IGF1R: variants seen among roughly 807,000 people sequenced by gnomAD.
IGF1R encodes insulin-like growth factor 1 receptor.
IGF1R carries 44 observed loss-of-function variants against 144.6 expected under a neutral mutation model. That is an observed-to-expected ratio of 0.30 (90% CI 0.24 to 0.39). The LOEUF (loss-of-function observed/expected upper bound fraction) is 0.39. IGF1R is among the 10% of genes least tolerant of loss of function. The probability of loss-of-function intolerance (pLI) is 1.00; values close to 1 mark genes in which losing one functional copy is unlikely to be tolerated. For synonymous variants in IGF1R, 795 were observed against 722.8 expected, an observed-to-expected ratio of 1.10 and a Z score of -1.60; for missense variants, 1,355 against 1,833.7, an observed-to-expected ratio of 0.74 and a Z score of 4.77.
chr15:98,688,057 C>T (rs527386883), intron 1 of IGF1R, among the ~76,000 whole-genome samples: 8 of 152,170 alleles, frequency 5.3e-5, no homozygotes, highest in East Asian at 3.9e-4. Flanking sequence ...GGCTGATGGG[C>T]GGGGAGTTTG....
At chr15:98,933,317 C>T (rs181637467) in intron 15 of IGF1R, among the ~76,000 whole-genome samples, 11 of 152,132 alleles carry the variant, frequency 7.2e-5, no homozygotes, top group Non-Finnish European at 7.4e-5. Flanking sequence ...GTTTTGCCTT[C>T]CTTCCTGCAT....
At chr15:98,823,271 G>A (rs1018798845) in intron 2 of IGF1R, among the ~76,000 whole-genome samples, 2 of 152,200 alleles carry the variant, frequency 1.3e-5, no homozygotes, top group Admixed American at 6.5e-5. Flanking sequence ...GGAGGAAGCC[G>A]AAATGCAAAC....
At chr15:98,751,234 T>C (rs1392054131) in intron 2 of IGF1R, among the ~76,000 whole-genome samples, 1 of 151,998 alleles carries the variant, frequency 6.6e-6, no homozygotes, top group Non-Finnish European at 1.5e-5. Context: ...GTGTTCTTGC[T>C]CTGTCACCCA....
chr15:98,841,278 T>C (rs1298308870), intron 2 of IGF1R, among the ~76,000 whole-genome samples: 1 of 152,198 alleles, frequency 6.6e-6, no homozygotes, highest in Non-Finnish European at 1.5e-5. Context: ...AAAATACTGA[T>C]TGGGTTCAAA....
At chr15:98,844,511 A>G (rs567578668) in intron 2 of IGF1R, among the ~76,000 whole-genome samples, 1 of 152,246 alleles carries the variant, frequency 6.6e-6, no homozygotes, top group South Asian at 2.1e-4. Context: ...TTCCTAATCT[A>G]GGAGGCATGT....
At position 98,964,274 on chromosome 15, in the gene IGF1R, C is replaced by T. The variant is rs2017340940; in HGVS notation, c.*6832C>T. 4.3e-6 allele frequency: 1 copy of T among 229,942 alleles called. No homozygotes were observed. The highest frequency in any genetic ancestry group is 2.3e-5 in the African/African-American group (1 of 43,516). The allele number at this position is 229,942 out of a possible 1,614,324, so 14.2% of individuals were successfully genotyped here. The stretch of plus-strand genomic sequence containing the variant: ...CCAATTTGTTACATAAAATGACTTT[C>T]TGTGTATAAATTATTCCTAAAAAAT... On this transcript the variant is annotated 3_prime_UTR_variant, in exon 21 of 21. Coordinates refer to ENST00000650285, the MANE Select transcript of IGF1R (RefSeq NM_000875.5).
At chr15:98,826,915 A>G (rs2056904205) in intron 2 of IGF1R, among the ~76,000 whole-genome samples, 1 of 152,214 alleles carries the variant, frequency 6.6e-6, no homozygotes, top group South Asian at 2.1e-4. Context: ...TGACGTGTGA[A>G]AAGTCTACGG....
At chr15:98,843,779 C>T (rs1037133952) in intron 2 of IGF1R, among the ~76,000 whole-genome samples, 2 of 151,940 alleles carry the variant, frequency 1.3e-5, no homozygotes, top group Non-Finnish European at 2.9e-5. Flanking sequence ...TTTGTTTCAC[C>T]ATAAGTAGTA....
chr15:98,871,295 C>T (rs1041231218), intron 2 of IGF1R, among the ~76,000 whole-genome samples: 3 of 152,196 alleles, frequency 2.0e-5, no homozygotes, highest in African/African-American at 7.2e-5. Flanking sequence ...TGTTTAGCAT[C>T]GTCCATTTGT....
intron 2 of IGF1R, among the ~76,000 whole-genome samples, chr15:98,757,465 C>G (rs1396275083): frequency 1.3e-5 from 2 of 151,968 alleles, no homozygotes; most frequent in African/African-American, 4.8e-5. Flanking sequence ...CACCGGGCCC[C>G]TTTTATAATT....
At chr15:98,869,141 C>A (rs1469315789) in intron 2 of IGF1R, among the ~76,000 whole-genome samples, 1 of 152,016 alleles carries the variant, frequency 6.6e-6, no homozygotes, top group Non-Finnish European at 1.5e-5. Flanking sequence ...TCATATTATT[C>A]TTGTCATCGT....
rs2016100022 is a variant in IGF1R, at chr15:98,935,286, C to CT, written c.3187-29dup. On this transcript the variant is annotated intron_variant, in intron 16 of 20. Transcript: ENST00000650285. The surrounding 1 kb of genome is among the most constrained non-coding windows in gnomAD (Gnocchi z 4.2). ...GCATCAGCAAGGGCCACCTGACCCT[C>CT]TGAGTCTTTCTCTTTTTGATTCCTC... 1 of 1,452,018 alleles carries CT rather than the reference C, an allele frequency of 6.9e-7. No individual in the cohort carries two copies. Among genetic ancestry groups the CT allele is most frequent in the South Asian group, 1.2e-5 (1 of 81,986 alleles). 89.9% of individuals were successfully genotyped at this position (1,452,018 alleles called of 1,614,324 possible).
At position 98,706,646 on chromosome 15, in the gene IGF1R, T is replaced by C. The variant is rs8037756; in HGVS notation, c.95-916T>C. 7.6e-3 allele frequency among the ~76,000 whole-genome samples: 1,156 copies of C among 152,176 alleles called. 20 individuals are homozygous for C. The highest frequency in any genetic ancestry group is 0.027 in the African/African-American group (1,103 of 41,516). ...TAATACTCTGGAACTACTGTCCCCT[T>C]AAAATGGTGATGTAGAAGGACATGT... On this transcript the variant is annotated intron_variant, in intron 1 of 20. Coordinates refer to ENST00000650285, the MANE Select transcript of IGF1R (RefSeq NM_000875.5).
intron 2 of IGF1R, among the ~76,000 whole-genome samples, chr15:98,808,167 G>A (rs1018724128): frequency 2.0e-5 from 3 of 152,150 alleles, no homozygotes; most frequent in Non-Finnish European, 4.4e-5. Context: ...ATAACCAAAG[G>A]TAAAGCATTT....
chr15:98,903,923 A>G (rs1410042435), intron 5 of IGF1R, among the ~76,000 whole-genome samples: 1 of 152,236 alleles, frequency 6.6e-6, no homozygotes, highest in Non-Finnish European at 1.5e-5. Flanking sequence ...GCTGCAAGGA[A>G]GAGGTGGAGA....
intron 2 of IGF1R, among the ~76,000 whole-genome samples, chr15:98,883,980 C>T (rs1302462671): frequency 1.3e-5 from 2 of 152,126 alleles, no homozygotes; most frequent in African/African-American, 2.4e-5. Context: ...CAGATAATTC[C>T]ACAAATACAT....
At chr15:98,846,661 G>C (rs1019459996) in intron 2 of IGF1R, among the ~76,000 whole-genome samples, 5 of 152,178 alleles carry the variant, frequency 3.3e-5, no homozygotes, top group African/African-American at 1.2e-4. Context: ...GTGGAGAACA[G>C]GGCAGTACTG....
rs1266475426 is a variant in IGF1R at position 98,891,709 on chromosome 15, T to C, written c.953+72T>C. On this transcript the variant is annotated intron_variant, in intron 3 of 20. Coordinates refer to ENST00000650285, the MANE Select transcript of IGF1R (RefSeq NM_000875.5). The surrounding 1 kb of genome is among the most constrained non-coding windows in gnomAD (Gnocchi z 4.7). ...GCCACCCTAGCACACAAAGGTAGAC[T>C]CTGTCGGTTGTTTCATCCGGGTGCA... The C allele has an allele frequency of 1.4e-6, 2 of 1,473,624 alleles. No individual in the cohort carries two copies. Among genetic ancestry groups the C allele is most frequent in the Non-Finnish European group, 1.9e-6 (2 of 1,076,272 alleles). The allele number at this position is 1,473,624 out of a possible 1,614,324, so 91.3% of individuals were successfully genotyped here. A position where few individuals can be genotyped will look rare whatever the true frequency, so the allele number is the denominator to read the frequency against.
chr15:98,819,316 T>G lies in IGF1R; in HGVS notation c.641-72009T>G, dbSNP rs901294668. 2.6e-5 allele frequency among the ~76,000 whole-genome samples: 4 copies of G among 152,196 alleles called. No homozygotes were observed. In the South Asian group the frequency reaches 6.2e-4, roughly 24 times the overall value. On this transcript the variant is annotated intron_variant, in intron 2 of 20. Coordinates refer to ENST00000650285, the MANE Select transcript of IGF1R (RefSeq NM_000875.5). ...AAAAATGGAAAACCCTGCCACTGTC[T>G]ACATGTTTATGTTGCCCCAGTAATC...
Sources: gnomAD v4.1 joint callset for allele counts (sites outside exome capture counted in the v4.1 genomes callset) on GRCh38, gnomAD v4.1.1 for gene constraint, Gnocchi (gnomAD v3.1) non-coding constraint, MANE v1.5 for transcripts, NCBI Gene and HGNC (gene_info 2026-07-23, HGNC 2026-07-21) for gene names.